Variants in C16orf96 observed in about 807,000 individuals in gnomAD.
C16orf96 encodes chromosome 16 open reading frame 96.
In C16orf96, 108 loss-of-function variants were observed where a neutral mutation model predicts 103.6. That is an observed-to-expected ratio of 1.04 (90% CI 0.89 to 1.22). The LOEUF (loss-of-function observed/expected upper bound fraction) is 1.22, where lower values mean the gene tolerates loss of function less well. Among genes scored for constraint, C16orf96 ranks in the 50% most tolerant of loss-of-function variants. C16orf96 has a pLI of 0.00. For missense variants in C16orf96, 1,586 were observed against 1,464.2 expected, an observed-to-expected ratio of 1.08 and a Z score of -1.36; for synonymous variants, 566 against 593.5, an observed-to-expected ratio of 0.95 and a Z score of 0.67.
chr16:4,554,823 G>A (rs1159926381), upstream of C16orf96, among the ~76,000 whole-genome samples: 2 of 151,524 alleles, frequency 1.3e-5, no homozygotes, highest in African/African-American at 4.8e-5. Context: ...GCTAATTTTT[G>A]TTTCATCATG....
rs1456721836 is a variant in C16orf96 at position 4,593,529 on chromosome 16, T to G, written c.2867+213T>G. ...ATGGCGGAGGGAGGAACTGACATAT[T>G]TACTGCACATCTATTGTGGGCCAGG... is the stretch of plus-strand genomic sequence containing the variant. On this transcript the variant is annotated intron_variant, in intron 12 of 15. Coordinates refer to ENST00000444310, the MANE Select transcript of C16orf96 (RefSeq NM_001145011.2). This position sits in a 1 kb window ranked among gnomAD's most constrained non-coding sequence, Gnocchi z 4.2. Among the ~76,000 whole-genome samples, 1 of 150,630 alleles carries G rather than the reference T, an allele frequency of 6.6e-6. No individual in the cohort carries two copies. Among genetic ancestry groups the G allele is most frequent in the Admixed American group, 6.7e-5 (1 of 14,928 alleles).
At position 4,600,387 on chromosome 16, in the gene C16orf96, C is replaced by A; in HGVS notation, c.*70C>A. On this transcript the variant is annotated 3_prime_UTR_variant, in exon 16 of 16. Transcript: ENST00000444310. ...CGAGGCTGAGGCCCATGTGGCCCTC[C>A]CACTCCCACCAAGTCCCCTCCACAT... 8.8e-7 allele frequency: 1 copy of A among 1,133,850 alleles called. No homozygotes were observed. Among genetic ancestry groups the A allele is most frequent in the Non-Finnish European group, 1.3e-6 (1 of 786,896 alleles). 70.2% of individuals were successfully genotyped at this position (1,133,850 alleles called of 1,614,324 possible).
intron 10 of C16orf96, among the ~76,000 whole-genome samples, chr16:4,592,075 T>C (rs1380388017): frequency 6.6e-6 from 1 of 152,080 alleles, no homozygotes; most frequent in Non-Finnish European, 1.5e-5. Flanking sequence ...GACCCAATAT[T>C]TATGGGGCTC....
intron 14 of C16orf96, among the ~76,000 whole-genome samples, chr16:4,597,954 G>A (rs1897207975): frequency 6.6e-6 from 1 of 152,188 alleles, no homozygotes; most frequent in Non-Finnish European, 1.5e-5. Flanking sequence ...TCATAAATCA[G>A]GGACCTTCTG....
Position 4,556,609 on chromosome 16 carries a change from C to G in C16orf96, c.120C>G (p.Ala40=), listed in dbSNP as rs765707375. The G allele has an allele frequency of 1.3e-5, 20 of 1,551,690 alleles. No individual in the cohort carries two copies. The highest frequency in any genetic ancestry group is 1.5e-5 in the Non-Finnish European group (17 of 1,147,010). ...GCATCTTGGAGCACATCCACATGGC[C>G]GAGCTCAAGAAAGTCCTCTCAGGCG... is the stretch of plus-strand genomic sequence containing the variant. ...LHGILEHIHM[A]ELKKVLSGDE... Residue 40 remains alanine, a synonymous_variant, in exon 1 of 16, where the codon GCC becomes GCG. Transcript: ENST00000444310.
In C16orf96 at chr16:4,575,534, C is replaced by T. The variant is rs2059493648; in HGVS notation, c.1054C>T (p.Pro352Ser). 1 of 1,543,852 alleles carries T rather than the reference C, an allele frequency of 6.5e-7. No individual in the cohort carries two copies. Among genetic ancestry groups the T allele is most frequent in the Non-Finnish European group, 8.7e-7 (1 of 1,145,434 alleles). ...GCTGGAGCCTGTGCCTGCCCTGGGGCCTGTCCCAGGGCCCAGTGTGACACC... is the reference window on the plus strand; with the variant it reads ...GCTGGAGCCTGTGCCTGCCCTGGGGTCTGTCCCAGGGCCCAGTGTGACACC... ...LELEPVPALGPVPGPSVTPGS... is the reference protein window; with the variant it reads ...LELEPVPALGSVPGPSVTPGS... Residue 352 changes from proline (P) to serine (S), a missense_variant, in exon 5 of 16, where the codon CCT becomes TCT. Physicochemically the swap from Pro to Ser is moderately conservative, Grantham distance 74. Coordinates refer to ENST00000444310, the MANE Select transcript of C16orf96 (RefSeq NM_001145011.2).
At chr16:4,594,995 C>T (rs372919248) in intron 14 of C16orf96, among the ~76,000 whole-genome samples, 192 bp downstream of exon 14, 6 of 152,176 alleles carry the variant, frequency 3.9e-5, no homozygotes, top group East Asian at 1.9e-4. Flanking sequence ...AGGGAGACCG[C>T]GGGAGCGAGG....
intron 1 of C16orf96, among the ~76,000 whole-genome samples, chr16:4,570,240 T>G (rs2059423347): frequency 6.6e-6 from 1 of 152,154 alleles, no homozygotes; most frequent in Admixed American, 6.6e-5. Flanking sequence ...AAATTCACTT[T>G]CTTTTTGGTA....
At chr16:4,569,854 C>G (rs2059418669) in intron 1 of C16orf96, among the ~76,000 whole-genome samples, 2 of 152,150 alleles carry the variant, frequency 1.3e-5, no homozygotes, top group African/African-American at 4.8e-5. Context: ...AACTTCCACT[C>G]TCCAGGGATT....
At chr16:4,599,492 T>C (rs2141772664) in intron 15 of C16orf96, 128 bp downstream of exon 15, 2 of 809,286 alleles carry the variant, frequency 2.5e-6, no homozygotes, top group Non-Finnish European at 4.1e-6. Context: ...TCCTGCCTGC[T>C]TTGCCTGCCT....
rs921369497 is a variant in C16orf96 at position 4,574,962 on chromosome 16, C to G, written c.607-10C>G. Reference sequence around the variant, plus strand: ...GCTCACAGCCCTCATTTTCTACCCCCACCTTGCAGGCTTCTCTCCAGAATA... The same window carrying G: ...GCTCACAGCCCTCATTTTCTACCCCGACCTTGCAGGCTTCTCTCCAGAATA... On this transcript the variant is annotated splice_polypyrimidine_tract_variant and intron_variant, in intron 3 of 15. Transcript: ENST00000444310. 2.6e-6 allele frequency: 4 copies of G among 1,550,970 alleles called. No homozygotes were observed. The highest frequency in any genetic ancestry group is 1.4e-5 in the African/African-American group (1 of 73,048).
In C16orf96 at chr16:4,567,579, G is replaced by A. The variant is rs1009197481; in HGVS notation, c.421-3982G>A. Reference sequence around the variant, plus strand: ...ATTACAGGTGTGAGCCACCGCGCCCGGCCTTCTTTGACATATTCCTTTTGT... The same window carrying A: ...ATTACAGGTGTGAGCCACCGCGCCCAGCCTTCTTTGACATATTCCTTTTGT... On this transcript the variant is annotated intron_variant, in intron 1 of 15. Coordinates refer to ENST00000444310, the MANE Select transcript of C16orf96 (RefSeq NM_001145011.2). Among the ~76,000 whole-genome samples, 86 of 150,770 alleles carry A rather than the reference G, an allele frequency of 5.7e-4. 1 individual carries two copies. Among genetic ancestry groups the A allele is most frequent in the African/African-American group, 2.0e-3 (81 of 41,000 alleles).
chr16:4,599,387 C>T (rs938888803), intron 15 of C16orf96, 23 bp downstream of exon 15: 1 of 1,541,974 alleles, frequency 6.5e-7, no homozygotes, highest in African/African-American at 1.4e-5. Flanking sequence ...TTCCCAGCCC[C>T]AGCCCAGCTG....
At chr16:4,597,148 C>T (rs1168880016) in intron 14 of C16orf96, among the ~76,000 whole-genome samples, 2 of 152,224 alleles carry the variant, frequency 1.3e-5, no homozygotes, top group Non-Finnish European at 2.9e-5. Flanking sequence ...ACCCTGCATT[C>T]TCCTGGGCGG....
At chr16:4,545,880 C>G in the C16orf96 span, among the ~76,000 whole-genome samples, 1 of 151,974 alleles carries the variant, frequency 6.6e-6, no homozygotes, top group Non-Finnish European at 1.5e-5. Context: ...GACAGAATCT[C>G]GCTCTGTTGC....
Position 4,575,131 on chromosome 16 carries a change from G to C in C16orf96, c.694-43G>C, listed in dbSNP as rs186761749. On this transcript the variant is annotated intron_variant, in intron 4 of 15. Coordinates refer to ENST00000444310, the MANE Select transcript of C16orf96 (RefSeq NM_001145011.2). ...GGGTGGCTGACTGAGAGTGGGAGGC[G>C]GGGCTGGAAGCCAGCAGAGCCCCTC... 7.8e-6 allele frequency: 12 copies of C among 1,546,556 alleles called. No homozygotes were observed. The South Asian group carries it at 1.1e-4, about 14-fold the overall frequency.
At chr16:4,542,516 G>T in the C16orf96 span, among the ~76,000 whole-genome samples, 123 of 152,242 alleles carry the variant, frequency 8.1e-4, 1 homozygote, top group Admixed American at 1.8e-3. Context: ...AAAATTATCA[G>T]CCAGGCGCAG....
At chr16:4,588,543 G>A (rs866533993) in intron 9 of C16orf96, among the ~76,000 whole-genome samples, 7 of 152,236 alleles carry the variant, frequency 4.6e-5, no homozygotes, top group Non-Finnish European at 7.3e-5. Context: ...GGCTGGATGA[G>A]CCAATTCAAA....
chr16:4,549,570 G>C, the C16orf96 span, among the ~76,000 whole-genome samples: 1 of 151,748 alleles, frequency 6.6e-6, no homozygotes, highest in African/African-American at 2.4e-5. Flanking sequence ...GGCCGAGGCA[G>C]GTGGATCATC....
Sources: gnomAD v4.1 joint callset for allele counts (sites outside exome capture counted in the v4.1 genomes callset) on GRCh38, gnomAD v4.1.1 for gene constraint, Gnocchi (gnomAD v3.1) non-coding constraint, MANE v1.5 for transcripts, NCBI Gene and HGNC (gene_info 2026-07-23, HGNC 2026-07-21) for gene names.